Variants in GALNT7 observed in about 807,000 individuals in gnomAD.
GALNT7 encodes N-acetylgalactosaminyltransferase 7.
In GALNT7, 60 loss-of-function variants were observed where a neutral mutation model predicts 82.1. That is an observed-to-expected ratio of 0.73 (90% CI 0.59 to 0.91). GALNT7 has a LOEUF of 0.91. Among genes scored for constraint, GALNT7 ranks in the 40% least tolerant of loss-of-function variants. The pLI is 0.00. For synonymous variants in GALNT7, 243 were observed against 275.1 expected (o/e 0.88, Z 1.15); for missense variants, 660 against 804.2 (o/e 0.82, Z 2.17).
At chr4:173,280,075 CA>C (rs1341228057) in intron 2 of GALNT7, among the ~76,000 whole-genome samples, 1 of 152,080 alleles carries the variant, frequency 6.6e-6, no homozygotes, top group African/African-American at 2.4e-5. Context: ...ATATTTACTT[CA>C]GAATTAAGGG....
At chr4:173,170,770 A>G (rs1386463145) in intron 1 of GALNT7, among the ~76,000 whole-genome samples, 1 of 152,204 alleles carries the variant, frequency 6.6e-6, no homozygotes, top group Non-Finnish European at 1.5e-5. Flanking sequence ...TGGTAGAGAA[A>G]CTGACGAAAA....
intron 1 of GALNT7, among the ~76,000 whole-genome samples, chr4:173,228,219 GA>G (rs1733900313): frequency 6.8e-6 from 1 of 147,104 alleles, no homozygotes; most frequent in Non-Finnish European, 1.5e-5. Flanking sequence ...AGGGAATAAG[GA>G]AAACCAAGAG....
chr4:173,192,521 A>C (rs917651916), intron 1 of GALNT7, among the ~76,000 whole-genome samples: 15 of 152,218 alleles, frequency 9.9e-5, no homozygotes, highest in Admixed American at 9.8e-4. Flanking sequence ...GAGGTATCAG[A>C]ATCACCAAAC....
intron 1 of GALNT7, among the ~76,000 whole-genome samples, chr4:173,174,242 G>C (rs944608122): frequency 1.3e-5 from 2 of 152,070 alleles, no homozygotes; most frequent in African/African-American, 4.8e-5. Context: ...AATTAATGCA[G>C]AACTTTTGCA....
rs115184550 is a variant in GALNT7, at chr4:173,178,800, T to A, written c.126+9839T>A. The stretch of plus-strand genomic sequence containing the variant: ...ACTATAGTATTATATCAATACCAAC[T>A]AGTCTGCGAATAGGCTTCTAAGCAA... On this transcript the variant is annotated intron_variant, in intron 1 of 11. Coordinates refer to ENST00000265000, the MANE Select transcript of GALNT7 (RefSeq NM_017423.3). 6.4e-3 allele frequency among the ~76,000 whole-genome samples: 972 copies of A among 152,350 alleles called. 15 individuals carry two copies. Among genetic ancestry groups the A allele is most frequent in the African/African-American group, 0.022 (920 of 41,576 alleles).
intron 1 of GALNT7, among the ~76,000 whole-genome samples, chr4:173,241,373 G>T (rs1433756945): frequency 6.6e-6 from 1 of 152,164 alleles, no homozygotes; most frequent in Non-Finnish European, 1.5e-5. Flanking sequence ...AAGAGCCCAA[G>T]ACTTAAAACT....
In GALNT7 at chr4:173,302,169, C is replaced by T. The variant is rs112553592; in HGVS notation, c.1266+5C>T. The T allele has an allele frequency of 6.5e-4, 742 of 1,144,680 alleles. 4 individuals carry two copies. In the African/African-American group the frequency reaches 1.0e-2, roughly 15 times the overall value. The allele number at this position is 1,144,680 out of a possible 1,614,324, so 70.9% of individuals were successfully genotyped here. ...AACTTTGAGATCTCATACAAGGTAA[C>T]ATTTTATTTCAACAGATGGAATTCT... is the stretch of plus-strand genomic sequence containing the variant. On this transcript the variant is annotated splice_donor_5th_base_variant and intron_variant, in intron 7 of 11. Transcript: ENST00000265000. The surrounding 1 kb of genome is among the most constrained non-coding windows in gnomAD (Gnocchi z 4.2).
At chr4:173,287,494 T>A (rs984500980) in intron 2 of GALNT7, among the ~76,000 whole-genome samples, 4 of 152,232 alleles carry the variant, frequency 2.6e-5, no homozygotes, top group African/African-American at 9.6e-5. Context: ...TGGGGTGTTA[T>A]CCATGTAGAA....
chr4:173,227,991 GT>G (rs778042011), intron 1 of GALNT7, among the ~76,000 whole-genome samples: 29 of 151,952 alleles, frequency 1.9e-4, no homozygotes, highest in Non-Finnish European at 3.7e-4. Context: ...CTAGTCATGT[GT>G]TTTCTGTTTG....
chr4:173,258,013 T>C (rs1735109061), intron 2 of GALNT7, among the ~76,000 whole-genome samples: 1 of 152,182 alleles, frequency 6.6e-6, no homozygotes, highest in Admixed American at 6.5e-5. Context: ...TTAAGGCTGA[T>C]TTCTTCTCCC....
intron 1 of GALNT7, among the ~76,000 whole-genome samples, chr4:173,185,603 A>C (rs1732439377): frequency 6.6e-6 from 1 of 152,216 alleles, no homozygotes; most frequent in Non-Finnish European, 1.5e-5. Flanking sequence ...AAAATGTAGT[A>C]GATATTTAGC....
chr4:173,212,748 A>C (rs902203508), intron 1 of GALNT7, among the ~76,000 whole-genome samples: 14 of 152,124 alleles, frequency 9.2e-5, no homozygotes, highest in African/African-American at 3.4e-4. Flanking sequence ...TCTATTGGAC[A>C]TATCAATACA....
intron 1 of GALNT7, among the ~76,000 whole-genome samples, chr4:173,187,057 A>G (rs1224478245): frequency 6.6e-6 from 1 of 152,172 alleles, no homozygotes; most frequent in African/African-American, 2.4e-5. Context: ...CACCCGGCCT[A>G]CTTACTTTTA....
At chr4:173,209,949 A>G (rs1168026852) in intron 1 of GALNT7, among the ~76,000 whole-genome samples, 2 of 152,064 alleles carry the variant, frequency 1.3e-5, no homozygotes, top group South Asian at 2.1e-4. Context: ...CCTGAGCAAC[A>G]TGGTGAAACC....
chr4:173,317,720 G>T lies in GALNT7; in HGVS notation c.1695G>T (p.Met565Ile). ...TTGAACTAGGACCCTGCCACAGGAT[G>T]GGAGGGAATCAGGTAAACCACCTTA... ...GFVELGPCHR[M>I]GGNQLFRINE... Residue 565 changes from methionine to isoleucine, a missense_variant, in exon 10 of 12, where the codon ATG becomes ATT. Around this residue, in one of 2 missense-constraint regions of GALNT7, gnomAD observed 527 missense variants for 683.5 expected, o/e 0.77. Transcript: ENST00000265000. 6.2e-7 allele frequency: 1 copy of T among 1,606,586 alleles called. No individual in the cohort carries two copies. The highest frequency in any genetic ancestry group is 8.5e-7 in the Non-Finnish European group (1 of 1,173,206).
At chr4:173,241,899 C>T (rs1462390572) in intron 1 of GALNT7, among the ~76,000 whole-genome samples, 1 of 152,124 alleles carries the variant, frequency 6.6e-6, no homozygotes, top group Non-Finnish European at 1.5e-5. Flanking sequence ...CAGACTTGCC[C>T]ACTTGTAACT....
chr4:173,172,152 A>G (rs1316816675), intron 1 of GALNT7, among the ~76,000 whole-genome samples: 1 of 152,196 alleles, frequency 6.6e-6, no homozygotes, highest in Non-Finnish European at 1.5e-5. Flanking sequence ...TACTTGAGAA[A>G]TCCAAGTACC....
At chr4:173,177,779 C>T (rs371736679) in intron 1 of GALNT7, among the ~76,000 whole-genome samples, 4 of 152,112 alleles carry the variant, frequency 2.6e-5, no homozygotes, top group African/African-American at 7.2e-5. Flanking sequence ...AGAGGGACTA[C>T]AGCAGCATCA....
chr4:173,225,614 G>A (rs75966677), intron 1 of GALNT7, among the ~76,000 whole-genome samples: 1 of 152,150 alleles, frequency 6.6e-6, no homozygotes, highest in Non-Finnish European at 1.5e-5. Context: ...GAACCTTATT[G>A]TGCTCATATA....
Sources: gnomAD v4.1 joint callset for allele counts (sites outside exome capture counted in the v4.1 genomes callset) on GRCh38, gnomAD v4.1.1 for gene constraint, gnomAD v4.1.1 regional missense constraint, Gnocchi (gnomAD v3.1) non-coding constraint, MANE v1.5 for transcripts, NCBI Gene and HGNC (gene_info 2026-07-23, HGNC 2026-07-21) for gene names.